Variants in MAML3 observed in about 807,000 individuals in gnomAD.
The protein encoded by MAML3 is mastermind-like protein 3.
A neutral mutation model predicts 101.9 loss-of-function variants in MAML3; 27 were observed. The observed-to-expected ratio is 0.27, with a 90% CI of 0.20 to 0.37. The LOEUF (loss-of-function observed/expected upper bound fraction) is 0.37. Among genes scored for constraint, MAML3 ranks in the 10% least tolerant of loss-of-function variants. The probability of loss-of-function intolerance (pLI) is 1.00; values close to 1 mark genes in which losing one functional copy is unlikely to be tolerated. For missense variants in MAML3, 1,316 were observed against 1,444.9 expected (o/e 0.91, Z 1.45); for synonymous variants, 501 against 555.9 (o/e 0.90, Z 1.39).
At chr4:139,780,061 A>T (rs561657936) in intron 2 of MAML3, among the ~76,000 whole-genome samples, 1 of 152,328 alleles carries the variant, frequency 6.6e-6, no homozygotes, top group African/African-American at 2.4e-5. Context: ...TGTAACCTAG[A>T]GCCATGCTGT....
chr4:139,742,751 A>G (rs1414437015), intron 2 of MAML3, among the ~76,000 whole-genome samples: 4 of 152,180 alleles, frequency 2.6e-5, no homozygotes, highest in Non-Finnish European at 5.9e-5. Context: ...AACATTCTTT[A>G]TACGTCTTGT....
At chr4:140,100,987 T>C (rs1728243673) in intron 1 of MAML3, among the ~76,000 whole-genome samples, 1 of 152,132 alleles carries the variant, frequency 6.6e-6, no homozygotes, top group Non-Finnish European at 1.5e-5. Context: ...CAAGGCTCCA[T>C]GGAGAGGCAG....
At chr4:140,122,440 T>C (rs1053049606) in intron 1 of MAML3, among the ~76,000 whole-genome samples, 1 of 152,106 alleles carries the variant, frequency 6.6e-6, no homozygotes, top group Non-Finnish European at 1.5e-5. Context: ...CAGGCTGGTA[T>C]GGAACTCCTG....
chr4:139,876,989 C>T (rs1290913202), intron 2 of MAML3, among the ~76,000 whole-genome samples: 1 of 152,192 alleles, frequency 6.6e-6, no homozygotes, highest in African/African-American at 2.4e-5. Flanking sequence ...TATAAATTCC[C>T]AAACATCTCA....
At chr4:139,973,421 T>C (rs1734264793) in intron 1 of MAML3, among the ~76,000 whole-genome samples, 1 of 152,152 alleles carries the variant, frequency 6.6e-6, no homozygotes, top group South Asian at 2.1e-4. Context: ...TCGGCGAAGA[T>C]TAAAACACTG....
intron 1 of MAML3, among the ~76,000 whole-genome samples, chr4:139,916,399 A>G (rs1733029438): frequency 6.6e-6 from 1 of 152,244 alleles, no homozygotes; most frequent in South Asian, 2.1e-4. Flanking sequence ...TACATTGGCC[A>G]CTAACCCAAT....
At chr4:140,075,600 T>C (rs1427136459) in intron 1 of MAML3, among the ~76,000 whole-genome samples, 1 of 152,194 alleles carries the variant, frequency 6.6e-6, no homozygotes, top group Non-Finnish European at 1.5e-5. Context: ...GCAATGGTGC[T>C]ATCATAACTC....
intron 1 of MAML3, among the ~76,000 whole-genome samples, chr4:140,043,632 T>C (rs1048376106): frequency 3.9e-5 from 6 of 152,218 alleles, no homozygotes; most frequent in African/African-American, 1.2e-4. Context: ...AAAATTTTTC[T>C]TTAAAAATGG....
chr4:140,145,881 T>TTTTC (rs1560907838), intron 1 of MAML3, among the ~76,000 whole-genome samples: 3 of 141,964 alleles, frequency 2.1e-5, no homozygotes, highest in African/African-American at 7.7e-5. Context: ...CTTTTTTCTT[T>TTTTC]TTTTTTTTTG....
At chr4:140,059,268 C>T (rs79934220) in intron 1 of MAML3, among the ~76,000 whole-genome samples, 5,155 of 152,250 alleles carry the variant, frequency 0.034, 197 homozygotes, top group African/African-American at 0.096. Flanking sequence ...AGCACAGTCA[C>T]GGGAGCATAC....
intron 2 of MAML3, among the ~76,000 whole-genome samples, chr4:139,758,675 C>T (rs77021102): frequency 1.3e-5 from 2 of 152,140 alleles, no homozygotes; most frequent in African/African-American, 4.8e-5. Flanking sequence ...TCCTGATGTC[C>T]CCGTTTATTT....
At chr4:140,120,057 G>A (rs1004153575) in intron 1 of MAML3, among the ~76,000 whole-genome samples, 1 of 151,966 alleles carries the variant, frequency 6.6e-6, no homozygotes, top group African/African-American at 2.4e-5. Flanking sequence ...CTAACACGGT[G>A]AAACCCCGTC....
chr4:139,966,004 T>C (rs1352542072), intron 1 of MAML3, among the ~76,000 whole-genome samples: 2 of 152,346 alleles, frequency 1.3e-5, no homozygotes, highest in Middle Eastern at 6.8e-3. Context: ...GAAAAACATT[T>C]GCATCATAAC....
intron 1 of MAML3, among the ~76,000 whole-genome samples, chr4:139,937,033 G>GA: frequency 6.6e-6 from 1 of 152,292 alleles, no homozygotes; most frequent in East Asian, 1.9e-4. Flanking sequence ...AAATAAGTCA[G>GA]AAAACATCTG....
intron 2 of MAML3, among the ~76,000 whole-genome samples, chr4:139,872,152 A>G (rs925150969): frequency 1.6e-4 from 25 of 152,226 alleles, no homozygotes; most frequent in African/African-American, 5.5e-4. Context: ...GATCATTGTA[A>G]CTTGGACAAC....
At chr4:139,829,338 A>G (rs561885354) in intron 2 of MAML3, among the ~76,000 whole-genome samples, 2 of 152,362 alleles carry the variant, frequency 1.3e-5, no homozygotes, top group South Asian at 2.1e-4. Flanking sequence ...AGGACTGAGG[A>G]CTAGTAGAAG....
intron 3 of MAML3, among the ~76,000 whole-genome samples, chr4:139,728,003 C>T (rs1012377193): frequency 1.3e-5 from 2 of 152,132 alleles, no homozygotes; most frequent in African/African-American, 2.4e-5. Context: ...ATTGCTTGAG[C>T]CCAGGAGTTC....
chr4:140,058,349 C>T (rs1727388111), intron 1 of MAML3, among the ~76,000 whole-genome samples: 1 of 151,928 alleles, frequency 6.6e-6, no homozygotes, highest in African/African-American at 2.4e-5. Flanking sequence ...ACCTCAGCCT[C>T]CCAATGTGCT....
chr4:139,817,615 C>T (rs938394300), intron 2 of MAML3, among the ~76,000 whole-genome samples: 2 of 152,200 alleles, frequency 1.3e-5, no homozygotes, highest in African/African-American at 2.4e-5. Flanking sequence ...GGACTGAAGT[C>T]ACCTCCAAAT....
Sources: allele counts gnomAD v4.1 joint callset (sites outside exome capture counted in the v4.1 genomes callset), GRCh38; gene constraint gnomAD v4.1.1; transcripts MANE v1.5; gene names NCBI Gene and HGNC (gene_info 2026-07-23, HGNC 2026-07-21).